Variants in CLUAP1 observed in about 807,000 individuals in gnomAD.
CLUAP1 encodes the protein clusterin-associated protein 1.
Under a neutral mutation model 55.0 loss-of-function variants are expected in CLUAP1, and 50 were observed. The ratio of observed to expected loss-of-function variants is 0.91; its 90% confidence interval spans 0.72 to 1.15. CLUAP1 has a LOEUF of 1.15. Among genes scored for constraint, CLUAP1 ranks in the 50% most tolerant of loss-of-function variants. The pLI, the probability that CLUAP1 is intolerant of heterozygous loss-of-function variation, is 0.00. For missense variants in CLUAP1, 530 were observed against 507.6 expected, an observed-to-expected ratio of 1.04 and a Z score of -0.42; for synonymous variants, 195 against 175.4, an observed-to-expected ratio of 1.11 and a Z score of -0.88.
At chr16:3,504,867 T>C in intron 2 of CLUAP1, 36 bp downstream of exon 2, 1 of 1,155,342 alleles carries the variant, frequency 8.7e-7, no homozygotes, top group Non-Finnish European at 1.3e-6. Flanking sequence ...TAAGAGTGAA[T>C]ACTGGGTTTT....
chr16:3,506,720 C>G (rs2037514038), intron 3 of CLUAP1, among the ~76,000 whole-genome samples: 2 of 152,112 alleles, frequency 1.3e-5, no homozygotes, highest in South Asian at 4.2e-4. Flanking sequence ...CTAGGCTGGT[C>G]TCAAACTCCC....
chr16:3,500,206 G>C (rs1567417916), upstream of CLUAP1, among the ~76,000 whole-genome samples: 3 of 152,224 alleles, frequency 2.0e-5, no homozygotes, highest in South Asian at 4.2e-4. Flanking sequence ...GCCCCTTTCC[G>C]GCCTGTTGTG....
At chr16:3,531,514 T>G (rs1427806737) in intron 10 of CLUAP1, among the ~76,000 whole-genome samples, 9 of 149,166 alleles carry the variant, frequency 6.0e-5, no homozygotes, top group Middle Eastern at 3.5e-3. Context: ...AGAGTGAGAC[T>G]CCGTCTCAAA....
intron 7 of CLUAP1, among the ~76,000 whole-genome samples, chr16:3,520,748 C>A (rs955518485): frequency 6.6e-6 from 1 of 152,260 alleles, no homozygotes; most frequent in Admixed American, 6.5e-5. Context: ...TTTATTTAAA[C>A]CTTGATCATT....
intron 1 of CLUAP1, among the ~76,000 whole-genome samples, chr16:3,501,889 C>T (rs1270158411): frequency 6.6e-6 from 1 of 152,098 alleles, no homozygotes; most frequent in Non-Finnish European, 1.5e-5. Flanking sequence ...AGGGCCCGCT[C>T]TGTGTTATGC....
chr16:3,531,843 T>G (rs899672380), intron 10 of CLUAP1, among the ~76,000 whole-genome samples: 2 of 134,864 alleles, frequency 1.5e-5, no homozygotes, highest in Admixed American at 1.5e-4. Flanking sequence ...GCCCCCTAAT[T>G]TTTTTTTTTT....
chr16:3,519,691 A>G (rs527564563), intron 6 of CLUAP1, among the ~76,000 whole-genome samples: 25 of 151,768 alleles, frequency 1.6e-4, no homozygotes, highest in Non-Finnish European at 2.8e-4. Context: ...TTTCATGGGG[A>G]AAAAAAAAGA....
upstream of CLUAP1, among the ~76,000 whole-genome samples, chr16:3,500,222 C>G (rs927328105): frequency 6.6e-6 from 1 of 152,196 alleles, no homozygotes; most frequent in South Asian, 2.1e-4. Context: ...TTGTGCAGCC[C>G]GAGCCGTCTG....
chr16:3,532,938 G>A (rs745567314), intron 11 of CLUAP1, 97 bp downstream of exon 11: 26 of 1,478,330 alleles, frequency 1.8e-5, no homozygotes, highest in South Asian at 1.0e-4. Context: ...CCAGGGAGCC[G>A]TCTATGGTCA....
chr16:3,521,528 G>A (rs918980765), intron 7 of CLUAP1, among the ~76,000 whole-genome samples: 6 of 150,744 alleles, frequency 4.0e-5, no homozygotes, highest in Non-Finnish European at 7.4e-5. Context: ...TCTGCCTCCC[G>A]GATTCAAGCG....
chr16:3,509,023 G>A (rs1285805843), intron 4 of CLUAP1, among the ~76,000 whole-genome samples: 9 of 151,988 alleles, frequency 5.9e-5, no homozygotes, highest in African/African-American at 1.9e-4. Context: ...TTGGGAGGCC[G>A]AGGTGGGAGG....
At chr16:3,515,052 C>A (rs1315518830) in intron 5 of CLUAP1, among the ~76,000 whole-genome samples, 1 of 152,022 alleles carries the variant, frequency 6.6e-6, no homozygotes, top group African/African-American at 2.4e-5. Context: ...TTGGGAGTCA[C>A]CTGGACAGAA....
intron 9 of CLUAP1, among the ~76,000 whole-genome samples, chr16:3,529,215 G>T (rs1596402405): frequency 6.6e-6 from 1 of 150,436 alleles, no homozygotes; most frequent in Non-Finnish European, 1.5e-5. Flanking sequence ...CATTCACATG[G>T]ATTCAACATA....
chr16:3,504,586 G>T (rs1237690079), intron 1 of CLUAP1, 134 bp from the exon 2 acceptor site: 5 of 599,658 alleles, frequency 8.3e-6, no homozygotes, highest in Admixed American at 2.8e-5. Flanking sequence ...GCTTTCCCTT[G>T]TAGAAAGTTG....
upstream of CLUAP1, chr16:3,500,955 G>T (rs796202431): frequency 7.8e-6 from 9 of 1,155,270 alleles, no homozygotes; most frequent in African/African-American, 1.2e-4. Flanking sequence ...GTTTGTCCCT[G>T]ACCGTGCGCC....
chr16:3,506,302 G>A (rs761824144), intron 2 of CLUAP1, 29 bp from the exon 3 acceptor site: 9 of 1,572,296 alleles, frequency 5.7e-6, no homozygotes, highest in East Asian at 4.5e-5. Flanking sequence ...TGGTTAACCC[G>A]TGCTCTCTCC....
intron 6 of CLUAP1, among the ~76,000 whole-genome samples, chr16:3,518,372 T>G (rs1388806762): frequency 6.6e-6 from 1 of 152,186 alleles, no homozygotes; most frequent in African/African-American, 2.4e-5. Flanking sequence ...AAGACTCCTT[T>G]CATTGTTAGA....
intron 5 of CLUAP1, among the ~76,000 whole-genome samples, chr16:3,514,145 T>C (rs2037686641): frequency 6.6e-6 from 1 of 152,218 alleles, no homozygotes; most frequent in African/African-American, 2.4e-5. Context: ...TACATGTCCC[T>C]AAGAGACTCA....
upstream of CLUAP1, among the ~76,000 whole-genome samples, chr16:3,497,579 A>C (rs1205232483): frequency 2.6e-5 from 4 of 152,184 alleles, no homozygotes; most frequent in East Asian, 7.7e-4. Context: ...CAGAATGTAT[A>C]TAGATATTTA....
Sources: allele counts gnomAD v4.1 joint callset (sites outside exome capture counted in the v4.1 genomes callset), GRCh38; gene constraint gnomAD v4.1.1; transcripts MANE v1.5; gene names NCBI Gene and HGNC (gene_info 2026-07-23, HGNC 2026-07-21).